The following INO80 variants were observed in gnomAD, a reference collection of about 807,000 sequenced individuals.
The protein encoded by INO80 is chromatin-remodeling ATPase INO80.
INO80 carries 20 observed loss-of-function variants against 203.4 expected under a neutral mutation model. The ratio of observed to expected loss-of-function variants is 0.10; its 90% confidence interval spans 0.07 to 0.14. INO80 has a LOEUF of 0.14. Among genes scored for constraint, INO80 ranks in the 10% least tolerant of loss-of-function variants. INO80 has a pLI of 1.00. For synonymous variants in INO80, 726 were observed against 685.2 expected, an observed-to-expected ratio of 1.06 and a Z score of -0.93; for missense variants, 1,419 against 1,914.4, an observed-to-expected ratio of 0.74 and a Z score of 4.83.
chr15:41,089,788 G>A (rs1003052981), intron 5 of INO80, among the ~76,000 whole-genome samples: 8 of 151,206 alleles, frequency 5.3e-5, no homozygotes, highest in South Asian at 2.1e-4. Flanking sequence ...CTTTGGTAAC[G>A]GCATTCAAAT....
At chr15:41,021,635 A>T (rs981886476) in intron 25 of INO80, among the ~76,000 whole-genome samples, 3 of 152,202 alleles carry the variant, frequency 2.0e-5, no homozygotes, top group Non-Finnish European at 4.4e-5. Context: ...CTCTTCCCTG[A>T]CCAGGTTGCT....
rs547361789 is a variant in INO80, at chr15:40,983,241, TCA to T, written c.4238-166_4238-165del. On this transcript the variant is annotated intron_variant, in intron 34 of 35. Coordinates refer to ENST00000648947, the MANE Select transcript of INO80 (RefSeq NM_017553.3). ...ACTTAATGATGGCTAGACCACTGAG[TCA>T]CACAGAATACTAAGAATTCTAAACA... 174 of 597,956 alleles carry T rather than the reference TCA, an allele frequency of 2.9e-4. No homozygotes were observed. The East Asian group carries it at 4.6e-3, about 16-fold the overall frequency. The allele number at this position is 597,956 out of a possible 1,614,324, so 37.0% of individuals were successfully genotyped here. A position where few individuals can be genotyped will look rare whatever the true frequency, so the allele number is the denominator to read the frequency against.
rs1046027303 is a variant in INO80 at position 41,028,541 on chromosome 15, T to C, written c.2908-805A>G. Among the ~76,000 whole-genome samples, 3 of 152,372 alleles carry C rather than the reference T, an allele frequency of 2.0e-5. No individual in the cohort carries two copies. The South Asian group carries it at 6.2e-4, about 32-fold the overall frequency. On this transcript the variant is annotated intron_variant, in intron 24 of 35. Coordinates refer to ENST00000648947, the MANE Select transcript of INO80 (RefSeq NM_017553.3). The stretch of plus-strand genomic sequence containing the variant: ...GGTCAGTAACAGGAAATTCTATCTC[T>C]TTAGTGCCTCTGACAACCATTTAAA...
intron 5 of INO80, among the ~76,000 whole-genome samples, chr15:41,091,578 T>C (rs1437020546): frequency 6.6e-6 from 1 of 151,898 alleles, no homozygotes; most frequent in Non-Finnish European, 1.5e-5. Flanking sequence ...GTCCATGTGT[T>C]CTCATTGTTC....
At chr15:40,993,788 A>AGAAAAG (rs2043846308) in intron 29 of INO80, among the ~76,000 whole-genome samples, 1 of 151,360 alleles carries the variant, frequency 6.6e-6, no homozygotes, top group African/African-American at 2.4e-5. Context: ...AAAAAGAAAA[A>AGAAAAG]GAAAATACAG....
intron 10 of INO80, among the ~76,000 whole-genome samples, chr15:41,073,749 G>A (rs2045359216): frequency 6.6e-6 from 1 of 151,914 alleles, no homozygotes; most frequent in Admixed American, 6.6e-5. Context: ...TCAGTACTGG[G>A]GTTTCTTCTA....
intron 16 of INO80, among the ~76,000 whole-genome samples, chr15:41,057,461 C>CAAAA (rs34940669): frequency 8.5e-6 from 1 of 117,890 alleles, no homozygotes; most frequent in African/African-American, 3.2e-5. Context: ...TCCCCTGTCT[C>CAAAA]AAAAAAAAAA....
At chr15:40,987,685 T>C in intron 30 of INO80, 131 bp downstream of exon 30, 1 of 890,330 alleles carries the variant, frequency 1.1e-6, no homozygotes, top group East Asian at 2.5e-5. Flanking sequence ...TTATTTTCTA[T>C]TCAGAAGAAA....
intron 27 of INO80, among the ~76,000 whole-genome samples, chr15:41,013,497 A>G (rs937462542): frequency 1.3e-5 from 2 of 152,188 alleles, no homozygotes; most frequent in African/African-American, 4.8e-5. Flanking sequence ...AAAAACGCAG[A>G]CCTAGTGCTG....
chr15:40,995,806 T>C (rs902107368), intron 29 of INO80, among the ~76,000 whole-genome samples: 2 of 152,204 alleles, frequency 1.3e-5, no homozygotes, highest in Admixed American at 6.5e-5. Flanking sequence ...GTAGAAACTA[T>C]GTGATATGGC....
chr15:41,091,149 C>T (rs2045635250), intron 5 of INO80, among the ~76,000 whole-genome samples: 1 of 152,186 alleles, frequency 6.6e-6, no homozygotes, highest in Non-Finnish European at 1.5e-5. Context: ...GTCTCGAACT[C>T]CTGACCTCAG....
intron 26 of INO80, among the ~76,000 whole-genome samples, chr15:41,019,838 T>TAC (rs1301168876): frequency 1.3e-5 from 2 of 152,182 alleles, no homozygotes; most frequent in African/African-American, 4.8e-5. Context: ...AACCAGGCCT[T>TAC]ACACACTGGA....
chr15:40,986,988 C>G (rs1365678909), intron 31 of INO80, 103 bp downstream of exon 31: 1 of 618,364 alleles, frequency 1.6e-6, no homozygotes, highest in East Asian at 2.8e-5. Flanking sequence ...AAAATACTTT[C>G]CCTAAATACA....
chr15:40,983,945 A>T, intron 33 of INO80, 24 bp from the exon 34 acceptor site: 1 of 1,610,624 alleles, frequency 6.2e-7, no homozygotes, highest in Non-Finnish European at 8.5e-7. Context: ...GGTTAAGATC[A>T]TTACGACCCC....
chr15:41,045,416 C>CA (rs1169792127), intron 23 of INO80, among the ~76,000 whole-genome samples: 1 of 151,864 alleles, frequency 6.6e-6, no homozygotes, highest in African/African-American at 2.4e-5. Flanking sequence ...TGGCAAAATA[C>CA]AGTCTCTACT....
intron 1 of INO80, 34 bp from the exon 2 acceptor site, chr15:41,096,387 T>G: frequency 7.2e-7 from 1 of 1,389,338 alleles, no homozygotes; most frequent in Non-Finnish European, 9.5e-7. Flanking sequence ...AAAGATGAAA[T>G]TACTATCCAT....
intron 8 of INO80, among the ~76,000 whole-genome samples, chr15:41,080,147 G>A (rs1313394543): frequency 6.6e-6 from 1 of 152,170 alleles, no homozygotes; most frequent in Non-Finnish European, 1.5e-5. Flanking sequence ...AAATTATAAT[G>A]ATGAAGAAGG....
intron 24 of INO80, among the ~76,000 whole-genome samples, chr15:41,042,980 T>C (rs193036059): frequency 1.6e-4 from 24 of 152,260 alleles, no homozygotes; most frequent in African/African-American, 4.6e-4. Flanking sequence ...AAGAGCAAAT[T>C]AAAATGAGTA....
At chr15:41,093,322 G>C (rs977045816) in intron 4 of INO80, among the ~76,000 whole-genome samples, 1 of 152,112 alleles carries the variant, frequency 6.6e-6, no homozygotes, top group Non-Finnish European at 1.5e-5. Context: ...CTACTCAGGA[G>C]GCTGAGACAG....
Sources: allele counts gnomAD v4.1 joint callset (sites outside exome capture counted in the v4.1 genomes callset), GRCh38; gene constraint gnomAD v4.1.1; transcripts MANE v1.5; gene names NCBI Gene and HGNC (gene_info 2026-07-23, HGNC 2026-07-21).